The following AGMO variants were observed in gnomAD, a reference collection of about 807,000 sequenced individuals.
AGMO encodes alkylglycerol monooxygenase.
AGMO carries 75 observed loss-of-function variants against 60.2 expected under a neutral mutation model. The observed-to-expected ratio is 1.25, with a 90% CI of 1.03 to 1.51. AGMO has a LOEUF of 1.51. AGMO is among the 40% of genes most tolerant of loss of function. The pLI is 0.00. For synonymous variants in AGMO, 261 were observed against 177.1 expected, an observed-to-expected ratio of 1.47 and a Z score of -3.76; for missense variants, 763 against 525.5, an observed-to-expected ratio of 1.45 and a Z score of -4.42.
At chr7:15,136,244 C>T in the AGMO span, among the ~76,000 whole-genome samples, 2 of 152,000 alleles carry the variant, frequency 1.3e-5, no homozygotes, top group Admixed American at 6.6e-5. Context: ...CTGCTTGCCT[C>T]GGCCTCCCAA....
chr7:15,224,514 T>C (rs746129133), intron 12 of AGMO, among the ~76,000 whole-genome samples: 4 of 152,022 alleles, frequency 2.6e-5, no homozygotes, highest in Non-Finnish European at 5.9e-5. Flanking sequence ...CTGGATGTGC[T>C]GGCACCTGGG....
the AGMO span, among the ~76,000 whole-genome samples, chr7:15,187,981 T>G: frequency 3.7e-3 from 558 of 152,276 alleles, 11 homozygotes; most frequent in Non-Finnish European, 8.1e-4. Context: ...ACTGACATTA[T>G]GTCTTTCCAG....
chr7:15,141,460 G>A, the AGMO span, among the ~76,000 whole-genome samples: 1 of 152,016 alleles, frequency 6.6e-6, no homozygotes, highest in Non-Finnish European at 1.5e-5. Context: ...GCGGGCGCCT[G>A]TAGTCCCCCC....
At chr7:15,166,839 G>C in the AGMO span, among the ~76,000 whole-genome samples, 7 of 152,092 alleles carry the variant, frequency 4.6e-5, no homozygotes, top group African/African-American at 1.7e-4. Flanking sequence ...GTAGAACTTT[G>C]GCATTTCTGA....
At chr7:15,136,366 C>G in the AGMO span, among the ~76,000 whole-genome samples, 3 of 152,136 alleles carry the variant, frequency 2.0e-5, no homozygotes, top group African/African-American at 7.2e-5. Context: ...CACCTTTCCT[C>G]CCTGCTTTTT....
At chr7:15,375,934 A>ATCACTAT (rs1783435941) in intron 10 of AGMO, among the ~76,000 whole-genome samples, 1 of 152,172 alleles carries the variant, frequency 6.6e-6, no homozygotes, top group Non-Finnish European at 1.5e-5. Flanking sequence ...AGATATATTT[A>ATCACTAT]ATTTCAAAGT....
chr7:15,559,512 G>C (rs574126229), intron 2 of AGMO, among the ~76,000 whole-genome samples: 10 of 152,170 alleles, frequency 6.6e-5, no homozygotes, highest in African/African-American at 2.4e-4. Flanking sequence ...GGAAGTGCCT[G>C]TGGCATGTGG....
intron 12 of AGMO, among the ~76,000 whole-genome samples, chr7:15,349,113 G>C (rs1258965797): frequency 6.6e-6 from 1 of 152,048 alleles, no homozygotes; most frequent in Non-Finnish European, 1.5e-5. Context: ...TTTACTAGAG[G>C]CACATGGACA....
In AGMO at chr7:15,387,408, C is replaced by G. The variant is rs1197114187; in HGVS notation, c.955G>C (p.Glu319Gln). ...PRLGLSEEIPEVTGKEVPFSS... is the reference protein window; with the variant it reads ...PRLGLSEEIPQVTGKEVPFSS... ...CCAATTCTGTGAACTCTATTTACCT[C>G]TGGAATTTCTTCACTGAGACCAAGT... Residue 319 changes from glutamate to glutamine, a missense_variant and splice_region_variant, in exon 9 of 13, where the codon GAG becomes CAG. Transcript: ENST00000342526. 6.2e-6 allele frequency: 10 copies of G among 1,613,194 alleles called. No individual in the cohort carries two copies. The highest frequency in any genetic ancestry group is 8.5e-6 in the Non-Finnish European group (10 of 1,179,748).
rs1465447745 is a variant in AGMO at position 15,532,927 on chromosome 7, G to A, written c.409+11845C>T. Among the ~76,000 whole-genome samples, 5 of 152,182 alleles carry A rather than the reference G, an allele frequency of 3.3e-5. No homozygotes were observed. The East Asian group carries it at 9.7e-4, about 29-fold the overall frequency. ...GATGGCTTGAGCCCAAGAAGTGGAG[G>A]TTGCAATGAGCCGAGATCATGCCAC... On this transcript the variant is annotated intron_variant, in intron 3 of 12. Coordinates refer to ENST00000342526, the MANE Select transcript of AGMO (RefSeq NM_001004320.2).
At chr7:15,497,264 T>A (rs1783257784) in intron 3 of AGMO, among the ~76,000 whole-genome samples, 1 of 152,118 alleles carries the variant, frequency 6.6e-6, no homozygotes, top group Non-Finnish European at 1.5e-5. Context: ...TGGTAAGGGT[T>A]TCATGATACA....
At chr7:15,279,668 A>C (rs1386882934) in intron 12 of AGMO, among the ~76,000 whole-genome samples, 6 of 152,120 alleles carry the variant, frequency 3.9e-5, no homozygotes, top group Non-Finnish European at 5.9e-5. Flanking sequence ...GAAAGAAACC[A>C]CAGACCCTTT....
chr7:15,228,879 A>G (rs1309506878), intron 12 of AGMO, among the ~76,000 whole-genome samples: 1 of 152,112 alleles, frequency 6.6e-6, no homozygotes, highest in East Asian at 1.9e-4. Flanking sequence ...AGCTCTCCAA[A>G]TGATATTTAC....
At chr7:15,418,507 T>C in intron 5 of AGMO, 51 bp downstream of exon 5, 1 of 1,152,128 alleles carries the variant, frequency 8.7e-7, no homozygotes, top group Non-Finnish European at 1.3e-6. Flanking sequence ...TCCAGGACAT[T>C]GCTTCAGGCT....
intron 5 of AGMO, among the ~76,000 whole-genome samples, chr7:15,394,744 T>C (rs1236036036): frequency 1.3e-5 from 2 of 152,192 alleles, no homozygotes; most frequent in Non-Finnish European, 2.9e-5. Context: ...CAGCAACGAC[T>C]TACTATTGCA....
chr7:15,147,722 G>T, the AGMO span, among the ~76,000 whole-genome samples: 1 of 152,064 alleles, frequency 6.6e-6, no homozygotes, highest in Non-Finnish European at 1.5e-5. Context: ...TTAAAAATAA[G>T]GAACTCTGTC....
intron 12 of AGMO, among the ~76,000 whole-genome samples, chr7:15,319,523 A>C (rs947506153): frequency 6.6e-6 from 1 of 152,160 alleles, no homozygotes; most frequent in Admixed American, 6.6e-5. Context: ...TATGGAGAAA[A>C]AGTCTCATGT....
At chr7:15,326,118 A>T (rs1043579572) in intron 12 of AGMO, among the ~76,000 whole-genome samples, 3 of 152,266 alleles carry the variant, frequency 2.0e-5, no homozygotes, top group Non-Finnish European at 4.4e-5. Flanking sequence ...AAAAAATATA[A>T]AACTTAATTT....
chr7:15,171,825 G>C, the AGMO span, among the ~76,000 whole-genome samples: 1 of 152,058 alleles, frequency 6.6e-6, no homozygotes, highest in East Asian at 1.9e-4. Flanking sequence ...TGAGAAATTT[G>C]GGGGAAAGAT....
Sources: gnomAD v4.1 joint callset for allele counts (sites outside exome capture counted in the v4.1 genomes callset) on GRCh38, gnomAD v4.1.1 for gene constraint, MANE v1.5 for transcripts, NCBI Gene and HGNC (gene_info 2026-07-23, HGNC 2026-07-21) for gene names.